ITPR2: variants seen among roughly 807,000 people sequenced by gnomAD.
ITPR2 encodes inositol 1,4,5-trisphosphate receptor type 2.
Under a neutral mutation model 317.1 loss-of-function variants are expected in ITPR2, and 207 were observed. The observed-to-expected ratio is 0.65, with a 90% CI of 0.58 to 0.73. The LOEUF is 0.73. Ranked by LOEUF, ITPR2 falls within the 30% of genes least tolerant of loss-of-function variation. ITPR2 has a pLI of 0.00. For missense variants in ITPR2, 2,613 were observed against 3,284.0 expected, an observed-to-expected ratio of 0.80 and a Z score of 4.99; for synonymous variants, 1,156 against 1,149.1, an observed-to-expected ratio of 1.01 and a Z score of -0.12.
chr12:26,579,641 A>G (rs546965108), intron 33 of ITPR2, among the ~76,000 whole-genome samples: 14 of 152,134 alleles, frequency 9.2e-5, no homozygotes, highest in Non-Finnish European at 1.8e-4. Context: ...TTAAATTTTT[A>G]GTATTACAAA....
At chr12:26,401,728 G>A (rs763518469) in intron 52 of ITPR2, among the ~76,000 whole-genome samples, 5 of 152,188 alleles carry the variant, frequency 3.3e-5, no homozygotes, top group Non-Finnish European at 2.9e-5. Context: ...CTTTATCTAC[G>A]TGCTTCATGC....
At chr12:26,740,932 T>C (rs1949218881) in intron 2 of ITPR2, among the ~76,000 whole-genome samples, 1 of 152,248 alleles carries the variant, frequency 6.6e-6, no homozygotes, top group Admixed American at 6.5e-5. Flanking sequence ...CTTTCTGTCT[T>C]TGGAGAAATG....
chr12:26,694,523 T>C (rs1016877194), intron 10 of ITPR2, among the ~76,000 whole-genome samples: 1 of 152,198 alleles, frequency 6.6e-6, no homozygotes, highest in Admixed American at 6.5e-5. Flanking sequence ...CCTCATGGCA[T>C]GTTCCTTTCT....
At chr12:26,439,501 A>C (rs1941436499) in intron 46 of ITPR2, among the ~76,000 whole-genome samples, 182 bp from the exon 47 acceptor site, 1 of 152,252 alleles carries the variant, frequency 6.6e-6, no homozygotes, top group South Asian at 2.1e-4. Context: ...TCTTTAAAAA[A>C]GAGAAATTAA....
At chr12:26,384,976 A>G (rs896761974) in intron 55 of ITPR2, among the ~76,000 whole-genome samples, 3 of 152,042 alleles carry the variant, frequency 2.0e-5, no homozygotes, top group Non-Finnish European at 2.9e-5. Flanking sequence ...TGGTCATTCT[A>G]TGTGAACTGT....
intron 45 of ITPR2, among the ~76,000 whole-genome samples, chr12:26,455,448 C>T (rs1248069062): frequency 6.7e-6 from 1 of 148,472 alleles, no homozygotes; most frequent in Non-Finnish European, 1.5e-5. Context: ...CAAAGGCAAA[C>T]CTAATAAAGA....
intron 37 of ITPR2, among the ~76,000 whole-genome samples, chr12:26,534,685 T>G (rs757736975): frequency 3.9e-5 from 6 of 152,202 alleles, no homozygotes; most frequent in Non-Finnish European, 8.8e-5. Context: ...GTTGAACAGC[T>G]AGATTTAAGG....
At chr12:26,637,242 A>G (rs1946882350) in intron 21 of ITPR2, among the ~76,000 whole-genome samples, 1 of 152,176 alleles carries the variant, frequency 6.6e-6, no homozygotes, top group South Asian at 2.1e-4. Flanking sequence ...AGGTGGGAAG[A>G]TATAAGAAAG....
At chr12:26,732,104 G>T (rs1240422595) in intron 2 of ITPR2, among the ~76,000 whole-genome samples, 1 of 152,178 alleles carries the variant, frequency 6.6e-6, no homozygotes, top group Non-Finnish European at 1.5e-5. Flanking sequence ...AAGGCTCAGG[G>T]AAATGTATTG....
At chr12:26,496,669 AG>A (rs1196903320) in intron 37 of ITPR2, among the ~76,000 whole-genome samples, 1 of 152,142 alleles carries the variant, frequency 6.6e-6, no homozygotes, top group Non-Finnish European at 1.5e-5. Flanking sequence ...TCTTTTAAGA[AG>A]ATCACACCCA....
intron 2 of ITPR2, among the ~76,000 whole-genome samples, chr12:26,731,165 G>A (rs896381380): frequency 2.6e-5 from 4 of 152,138 alleles, no homozygotes; most frequent in African/African-American, 9.7e-5. Flanking sequence ...TCCTAAAGAT[G>A]TCTTAAGATT....
intron 1 of ITPR2, among the ~76,000 whole-genome samples, chr12:26,799,042 A>G (rs948928444): frequency 6.6e-6 from 1 of 152,250 alleles, no homozygotes; most frequent in African/African-American, 2.4e-5. Context: ...TCTAATTTCA[A>G]TAATGTTGAC....
intron 52 of ITPR2, among the ~76,000 whole-genome samples, chr12:26,401,320 A>T (rs1406860230): frequency 6.6e-6 from 1 of 152,180 alleles, no homozygotes; most frequent in African/African-American, 2.4e-5. Flanking sequence ...ATTGGGGCAG[A>T]TATTATTTCA....
intron 12 of ITPR2, among the ~76,000 whole-genome samples, chr12:26,682,301 C>T (rs1017590975): frequency 6.6e-6 from 1 of 152,178 alleles, no homozygotes; most frequent in Non-Finnish European, 1.5e-5. Flanking sequence ...AGAGAAAAGG[C>T]ACTCCTGGAT....
chr12:26,473,460 C>T (rs995720269), intron 45 of ITPR2, among the ~76,000 whole-genome samples: 66 of 152,172 alleles, frequency 4.3e-4, no homozygotes, highest in African/African-American at 1.5e-3. Context: ...CTCACTCGTG[C>T]AAGAAGACAA....
intron 2 of ITPR2, among the ~76,000 whole-genome samples, chr12:26,778,570 GCTGGCAAGGCCAGCAATATACCTTCA>G (rs1822582181): frequency 6.6e-6 from 1 of 152,186 alleles, no homozygotes. Context: ...TTTGCCTTCG[GCTGGCAAGGCCAGCAATATACCTTCA>G]CTGTCCTACT....
intron 49 of ITPR2, chr12:26,419,555 G>A (rs1940824672): frequency 1.1e-5 from 2 of 176,116 alleles, no homozygotes; most frequent in Non-Finnish European, 1.2e-5. Context: ...TTACTGTTGT[G>A]TGACCTAGTT....
At chr12:26,647,459 C>G (rs1223309442) in intron 21 of ITPR2, among the ~76,000 whole-genome samples, 1 of 152,182 alleles carries the variant, frequency 6.6e-6, no homozygotes, top group Non-Finnish European at 1.5e-5. Flanking sequence ...AAATAGAAAG[C>G]TTTGGGTTGT....
intron 52 of ITPR2, among the ~76,000 whole-genome samples, chr12:26,408,833 T>G (rs1359640692): frequency 6.6e-6 from 1 of 152,206 alleles, no homozygotes; most frequent in African/African-American, 2.4e-5. Context: ...ATAGGGCCAC[T>G]GATACTTGGA....
Sources: gnomAD v4.1 joint callset for allele counts (sites outside exome capture counted in the v4.1 genomes callset) on GRCh38, gnomAD v4.1.1 for gene constraint, MANE v1.5 for transcripts, NCBI Gene and HGNC (gene_info 2026-07-23, HGNC 2026-07-21) for gene names.